SMG6: variants seen among roughly 807,000 people sequenced by gnomAD.
The protein encoded by SMG6 is SMG6 nonsense mediated mRNA decay factor.
Under a neutral mutation model 142.2 loss-of-function variants are expected in SMG6, and 66 were observed. The ratio of observed to expected loss-of-function variants is 0.46; its 90% confidence interval spans 0.38 to 0.57. The LOEUF is 0.57. Ranked by LOEUF, SMG6 falls within the 20% of genes least tolerant of loss-of-function variation. The probability of loss-of-function intolerance (pLI) is 0.00; values close to 1 mark genes in which losing one functional copy is unlikely to be tolerated. For synonymous variants in SMG6, 779 were observed against 702.4 expected (o/e 1.11, Z -1.72); for missense variants, 1,793 against 1,832.0 (o/e 0.98, Z 0.39).
At chr17:2,182,914 G>A (rs892782988) in intron 12 of SMG6, among the ~76,000 whole-genome samples, 10 of 151,632 alleles carry the variant, frequency 6.6e-5, no homozygotes, top group African/African-American at 2.4e-4. Context: ...GGGGTGGGCA[G>A]GGGTGAAACA....
At chr17:2,289,123 A>G (rs1265399817) in intron 6 of SMG6, among the ~76,000 whole-genome samples, 1 of 148,404 alleles carries the variant, frequency 6.7e-6, no homozygotes, top group Non-Finnish European at 1.5e-5. Flanking sequence ...GGTGGCGGGC[A>G]CCTGTAGTTG....
rs193231539 is a variant in SMG6 at position 2,268,917 on chromosome 17, A to G, written c.2661+13730T>C. On this transcript the variant is annotated intron_variant, in intron 8 of 18. Transcript: ENST00000263073. ...ACAGAGTTAGACTTCGTCTCAAAAA[A>G]AAAACGATCAGGCACGGTGGCTCAC... 1.6e-3 allele frequency among the ~76,000 whole-genome samples: 225 copies of G among 145,008 alleles called. 5 individuals are homozygous for G. In the East Asian group the frequency reaches 0.029, roughly 19 times the overall value.
At chr17:2,185,349 GCA>G (rs1379105054) in intron 12 of SMG6, among the ~76,000 whole-genome samples, 1 of 151,988 alleles carries the variant, frequency 6.6e-6, no homozygotes, top group African/African-American at 2.4e-5. Flanking sequence ...ACCTAGACAA[GCA>G]CAGAGTCGGA....
chr17:2,201,491 CGA>C (rs2072520446), intron 10 of SMG6, among the ~76,000 whole-genome samples: 1 of 151,990 alleles, frequency 6.6e-6, no homozygotes, highest in African/African-American at 2.4e-5. Flanking sequence ...GTCAGGAGTT[CGA>C]GACTGGCCTG....
At chr17:2,099,227 T>A (rs1287142255) in intron 13 of SMG6, among the ~76,000 whole-genome samples, 1 of 152,046 alleles carries the variant, frequency 6.6e-6, no homozygotes, top group Non-Finnish European at 1.5e-5. Context: ...TCCCCGAAGC[T>A]GTGCAACACA....
chr17:2,165,055 T>C (rs2071293296), intron 13 of SMG6, among the ~76,000 whole-genome samples: 1 of 152,232 alleles, frequency 6.6e-6, no homozygotes, highest in Non-Finnish European at 1.5e-5. Context: ...GGTGTTACTT[T>C]GCCTACCACA....
chr17:2,144,492 C>A (rs1380584316), intron 13 of SMG6, among the ~76,000 whole-genome samples: 1 of 151,922 alleles, frequency 6.6e-6, no homozygotes, highest in Non-Finnish European at 1.5e-5. Context: ...CAGGCATGAC[C>A]CACCATGCCT....
chr17:2,187,308 C>T (rs879799057), intron 11 of SMG6, among the ~76,000 whole-genome samples: 7 of 152,154 alleles, frequency 4.6e-5, no homozygotes, highest in African/African-American at 7.2e-5. Context: ...TAAAGAGACA[C>T]GATGATATCT....
rs948307837 is a variant in SMG6, at chr17:2,071,433, C to T, written c.3682-2502G>A. Among the ~76,000 whole-genome samples the T allele has an allele frequency of 3.9e-5, 6 of 152,314 alleles. No individual in the cohort carries two copies. The South Asian group carries it at 1.0e-3, about 26-fold the overall frequency. On this transcript the variant is annotated intron_variant, in intron 15 of 18. Coordinates refer to ENST00000263073, the MANE Select transcript of SMG6 (RefSeq NM_017575.5). The surrounding 1 kb of genome is among the most constrained non-coding windows in gnomAD (Gnocchi z 5.6). Reference sequence around the variant, plus strand: ...GCAGGACAGAAGAAAAATCTAGAAGCGAGGTCCAGAGACGCTCTAAATTCC... The same window carrying T: ...GCAGGACAGAAGAAAAATCTAGAAGTGAGGTCCAGAGACGCTCTAAATTCC...
Position 2,109,817 on chromosome 17 carries a change from C to T in SMG6, c.3358-23916G>A, listed in dbSNP as rs915469110. Among the ~76,000 whole-genome samples, 14 of 152,170 alleles carry T rather than the reference C, an allele frequency of 9.2e-5. No individual in the cohort carries two copies. In the East Asian group the frequency reaches 2.3e-3, roughly 25 times the overall value. On this transcript the variant is annotated intron_variant, in intron 13 of 18. Coordinates refer to ENST00000263073, the MANE Select transcript of SMG6 (RefSeq NM_017575.5). ...AAAAAATTGACAACACAAGGGCAGA[C>T]GCAGTGGCTCACACCTGTAGTCGCA... is the stretch of plus-strand genomic sequence containing the variant.
intron 13 of SMG6, among the ~76,000 whole-genome samples, chr17:2,162,758 A>G (rs2071221975): frequency 6.6e-6 from 1 of 152,310 alleles, no homozygotes; most frequent in Middle Eastern, 3.4e-3. Flanking sequence ...ATGCAGCAAC[A>G]TGGAACAAGA....
At chr17:2,288,462 A>G (rs2074955704) in intron 6 of SMG6, among the ~76,000 whole-genome samples, 1 of 151,652 alleles carries the variant, frequency 6.6e-6, no homozygotes, top group African/African-American at 2.4e-5. Context: ...TCTACTAAAA[A>G]TACAAAAAAT....
intron 13 of SMG6, among the ~76,000 whole-genome samples, chr17:2,136,496 C>T (rs570606008): frequency 1.3e-5 from 2 of 152,150 alleles, no homozygotes; most frequent in Non-Finnish European, 2.9e-5. Context: ...TCCTTTTCGC[C>T]TGCTCCTGAC....
At chr17:2,100,209 T>C (rs941913516) in intron 13 of SMG6, among the ~76,000 whole-genome samples, 1 of 152,180 alleles carries the variant, frequency 6.6e-6, no homozygotes, top group Non-Finnish European at 1.5e-5. Context: ...AGCTAGTTTT[T>C]GTATTTTTTG....
chr17:2,249,418 G>A (rs961506330), intron 8 of SMG6, among the ~76,000 whole-genome samples: 8 of 152,056 alleles, frequency 5.3e-5, no homozygotes, highest in African/African-American at 9.7e-5. Flanking sequence ...ACCTTAGCCC[G>A]CAAAGTGCTA....
intron 8 of SMG6, among the ~76,000 whole-genome samples, chr17:2,263,561 T>C (rs550073208): frequency 6.6e-6 from 1 of 152,124 alleles, no homozygotes; most frequent in Non-Finnish European, 1.5e-5. Flanking sequence ...AAAATAAAAA[T>C]GTGTGGTTAA....
chr17:2,106,015 G>C (rs1245093636), intron 13 of SMG6, among the ~76,000 whole-genome samples: 1 of 152,192 alleles, frequency 6.6e-6, no homozygotes, highest in African/African-American at 2.4e-5. Context: ...GTCAATCCAA[G>C]TAACTTTTAC....
Position 2,244,678 on chromosome 17 carries a change from C to T in SMG6, c.2703G>A (p.Gly901=), listed in dbSNP as rs1315404793. The change falls in exon 9 of 19, where the codon GGG becomes GGA. Residue 901 remains glycine (G), a synonymous_variant. Coordinates refer to ENST00000263073, the MANE Select transcript of SMG6 (RefSeq NM_017575.5). ...RFILSFLHAH[G]KLFTRIGMET... is the part of the protein sequence containing the mutation. ...CTTACCCAATCCGGGTAAACAGCTTCCCATGGGCATGGAGAAAACTGAGGA... is the reference window on the plus strand; with the variant it reads ...CTTACCCAATCCGGGTAAACAGCTTTCCATGGGCATGGAGAAAACTGAGGA... 2 of 1,613,852 alleles carry T rather than the reference C, an allele frequency of 1.2e-6. No individual in the cohort carries two copies. The highest frequency in any genetic ancestry group is 1.3e-5 in the African/African-American group (1 of 75,044).
At position 2,088,298 on chromosome 17, in the gene SMG6, A is replaced by C. The variant is rs1026750620; in HGVS notation, c.3358-2397T>G. On this transcript the variant is annotated intron_variant, in intron 13 of 18. Coordinates refer to ENST00000263073, the MANE Select transcript of SMG6 (RefSeq NM_017575.5). The stretch of plus-strand genomic sequence containing the variant: ...ACATGTGTGGATGTGGGACTCCTGG[A>C]GATGGGGATTTCCAGGGCACAGCAG... 5.1e-6 allele frequency: 5 copies of C among 985,226 alleles called. No individual in the cohort carries two copies. The African/African-American group carries it at 8.7e-5, about 17-fold the overall frequency. 61.0% of individuals were successfully genotyped at this position (985,226 alleles called of 1,614,324 possible). A position where few individuals can be genotyped will look rare whatever the true frequency, so the allele number is the denominator to read the frequency against.
Sources: allele counts gnomAD v4.1 joint callset (sites outside exome capture counted in the v4.1 genomes callset), GRCh38; gene constraint gnomAD v4.1.1; non-coding constraint Gnocchi (gnomAD v3.1); transcripts MANE v1.5; gene names NCBI Gene and HGNC (gene_info 2026-07-23, HGNC 2026-07-21).